Variants in SNX14 observed in about 807,000 individuals in gnomAD.
The protein encoded by SNX14 is sorting nexin-14.
A neutral mutation model predicts 133.8 loss-of-function variants in SNX14; 93 were observed. The observed-to-expected ratio is 0.70, with a 90% CI of 0.59 to 0.83. The LOEUF (loss-of-function observed/expected upper bound fraction) is 0.83. Ranked by LOEUF, SNX14 falls within the 40% of genes least tolerant of loss-of-function variation. SNX14 has a pLI of 0.00. For missense variants in SNX14, 945 were observed against 1,094.9 expected (o/e 0.86, Z 1.93); for synonymous variants, 368 against 365.6 (o/e 1.01, Z -0.07).
chr6:85,582,435 T>C (rs1303226522), intron 1 of SNX14, among the ~76,000 whole-genome samples: 1 of 149,906 alleles, frequency 6.7e-6, no homozygotes. Flanking sequence ...AAACGAGAAC[T>C]GAAGGAGATA....
chr6:85,582,315 T>A (rs1425221269), intron 1 of SNX14, among the ~76,000 whole-genome samples: 1 of 152,110 alleles, frequency 6.6e-6, no homozygotes, highest in South Asian at 2.1e-4. Flanking sequence ...AAACAAAAGC[T>A]GAGGGATTTC....
intron 1 of SNX14, among the ~76,000 whole-genome samples, chr6:85,577,872 G>T (rs1024985329): frequency 6.6e-6 from 1 of 152,156 alleles, no homozygotes; most frequent in Non-Finnish European, 1.5e-5. Context: ...AAATTGAGAG[G>T]TGTCCATTAG....
chr6:85,549,723 C>T lies in SNX14; in HGVS notation c.791G>A (p.Arg264Lys). The T allele has an allele frequency of 6.2e-7, 1 of 1,610,746 alleles. No homozygotes were observed. Among genetic ancestry groups the T allele is most frequent in the African/African-American group, 1.3e-5 (1 of 74,838 alleles). ...YILPPKATDC[R>K]SLTLLIREIL... ...ATTATATTGTCTAGTCTTTTTATAC[C>T]TGCAGTCTGTTGCTTTAGGAGGCAA... is the stretch of plus-strand genomic sequence containing the variant. The change falls in exon 8 of 29, where the codon AGA becomes AAA. Residue 264 changes from arginine (R) to lysine (K), a missense_variant and splice_region_variant. Physicochemically the swap from Arg to Lys is conservative, Grantham distance 26. This residue lies in a region of SNX14 where 514 missense variants were observed against 538.8 expected (regional missense o/e 0.95). Transcript: ENST00000314673.
chr6:85,546,681 G>A (rs1280627049), intron 12 of SNX14, among the ~76,000 whole-genome samples: 1 of 152,092 alleles, frequency 6.6e-6, no homozygotes, highest in Non-Finnish European at 1.5e-5. Flanking sequence ...TCAAGTATAT[G>A]GCCGGGCGCG....
rs527284007 is a variant in SNX14 at position 85,513,036 on chromosome 6, TCTA to T, written c.2653+761_2653+763del. On this transcript the variant is annotated intron_variant, in intron 26 of 28. Coordinates refer to ENST00000314673, the MANE Select transcript of SNX14 (RefSeq NM_153816.6). ...TCTACTCACACATGGCTCCCATATC[TCTA>T]CTAATCTATCCTATACCACCTTTTC... Among the ~76,000 whole-genome samples the T allele has an allele frequency of 4.4e-3, 675 of 152,344 alleles. 1 individual carries two copies. Among genetic ancestry groups the T allele is most frequent in the South Asian group, 9.1e-3 (44 of 4,824 alleles).
intron 6 of SNX14, among the ~76,000 whole-genome samples, chr6:85,564,737 C>A (rs146355103): frequency 0.01 from 1,557 of 152,132 alleles, 24 homozygotes; most frequent in African/African-American, 0.035. Context: ...CACCTGTAAT[C>A]CTAGCACTTT....
At chr6:85,527,592 A>C (rs1778906012) in intron 20 of SNX14, among the ~76,000 whole-genome samples, 1 of 152,132 alleles carries the variant, frequency 6.6e-6, no homozygotes, top group African/African-American at 2.4e-5. Context: ...TTTTTTAACA[A>C]ATTGAAAGTA....
chr6:85,571,330 G>A (rs1211097233), intron 4 of SNX14, among the ~76,000 whole-genome samples: 12 of 149,714 alleles, frequency 8.0e-5, no homozygotes, highest in East Asian at 2.0e-4. Context: ...ACTGCACTCC[G>A]GCCTGGGTGG....
chr6:85,584,982 G>A (rs1021143714), intron 1 of SNX14, among the ~76,000 whole-genome samples: 5 of 152,252 alleles, frequency 3.3e-5, no homozygotes, highest in Admixed American at 3.3e-4. Context: ...CACAATAGCA[G>A]AGACTTGGAA....
intron 6 of SNX14, 68 bp downstream of exon 6, chr6:85,565,264 T>C (rs557294930): frequency 4.1e-6 from 4 of 971,022 alleles, no homozygotes; most frequent in East Asian, 2.6e-5. Context: ...TCACAAAAAA[T>C]TGTTTTAAAT....
Position 85,513,911 on chromosome 6 carries a change from AAG to A in SNX14, c.2558-18_2558-17del, listed in dbSNP as rs766163730. 1.9e-6 allele frequency: 3 copies of A among 1,595,650 alleles called. No homozygotes were observed. In the African/African-American group the frequency reaches 4.1e-5, roughly 22 times the overall value. Reference sequence around the variant, plus strand: ...AATATAGCATCTAAAAAAGAGTAAAAAGAAATATTTCTGGAATTTTCATCTAT... The same window carrying A: ...AATATAGCATCTAAAAAAGAGTAAAAAAATATTTCTGGAATTTTCATCTAT... On this transcript the variant is annotated splice_polypyrimidine_tract_variant and intron_variant, in intron 25 of 28. Coordinates refer to ENST00000314673, the MANE Select transcript of SNX14 (RefSeq NM_153816.6).
rs138963254 is a variant in SNX14, at chr6:85,554,027, G to A, written c.634+3949C>T. ...TTAAAGTGGGGGAAAACACCTTAAC[G>A]GGGAATATAAGCAAAACAGAGTGCT... On this transcript the variant is annotated intron_variant, in intron 7 of 28. Coordinates refer to ENST00000314673, the MANE Select transcript of SNX14 (RefSeq NM_153816.6). Among the ~76,000 whole-genome samples the A allele has an allele frequency of 1.1e-3, 169 of 152,108 alleles. 1 individual carries two copies. Among genetic ancestry groups the A allele is most frequent in the African/African-American group, 3.9e-3 (163 of 41,508 alleles).
intron 21 of SNX14, among the ~76,000 whole-genome samples, chr6:85,521,594 T>C (rs1776874306): frequency 6.6e-6 from 1 of 152,210 alleles, no homozygotes; most frequent in African/African-American, 2.4e-5. Flanking sequence ...AAATATTTCC[T>C]CCCATTCTAC....
At chr6:85,567,794 G>A in intron 4 of SNX14, 1 of 318,242 alleles carries the variant, frequency 3.1e-6, no homozygotes, top group Non-Finnish European at 5.8e-6. Flanking sequence ...ACCAGCCTGG[G>A]TAACATGATG....
At chr6:85,555,352 G>A (rs943909437) in intron 7 of SNX14, among the ~76,000 whole-genome samples, 1 of 152,160 alleles carries the variant, frequency 6.6e-6, no homozygotes, top group Non-Finnish European at 1.5e-5. Context: ...ATTGGTGAAT[G>A]GATAAACAAA....
At chr6:85,528,626 A>C (rs1779205380) in intron 19 of SNX14, among the ~76,000 whole-genome samples, 1 of 152,202 alleles carries the variant, frequency 6.6e-6, no homozygotes, top group South Asian at 2.1e-4. Flanking sequence ...CTATCCTAGT[A>C]AAACAGCTTC....
intron 15 of SNX14, among the ~76,000 whole-genome samples, 153 bp downstream of exon 15, chr6:85,541,832 A>G (rs901512472): frequency 1.3e-5 from 2 of 152,218 alleles, no homozygotes; most frequent in Non-Finnish European, 2.9e-5. Flanking sequence ...ATCACCATAT[A>G]GAATACAGTT....
intron 6 of SNX14, among the ~76,000 whole-genome samples, chr6:85,562,600 T>C (rs903437157): frequency 4.4e-5 from 6 of 135,034 alleles, no homozygotes; most frequent in Non-Finnish European, 8.1e-5. Context: ...TTTTTTTTTT[T>C]TTTTGAGACA....
intron 4 of SNX14, among the ~76,000 whole-genome samples, chr6:85,571,076 G>A (rs867422196): frequency 7.2e-5 from 11 of 151,892 alleles, no homozygotes; most frequent in African/African-American, 7.3e-5. Flanking sequence ...TTAGAGGCCC[G>A]GCATGGTGGC....
Sources: gnomAD v4.1 joint callset for allele counts (sites outside exome capture counted in the v4.1 genomes callset) on GRCh38, gnomAD v4.1.1 for gene constraint, gnomAD v4.1.1 regional missense constraint, MANE v1.5 for transcripts, NCBI Gene and HGNC (gene_info 2026-07-23, HGNC 2026-07-21) for gene names.